Variants in RAB12 observed in about 807,000 individuals in gnomAD.
RAB12 encodes the protein ras-related protein Rab-12.
RAB12 carries 11 observed loss-of-function variants against 28.4 expected under a neutral mutation model. The observed-to-expected ratio is 0.39, with a 90% CI of 0.24 to 0.64. RAB12 has a LOEUF of 0.64. Ranked by LOEUF, RAB12 falls within the 30% of genes least tolerant of loss-of-function variation. The pLI is 0.50. For missense variants in RAB12, 276 were observed against 351.1 expected (o/e 0.79, Z 1.71); for synonymous variants, 138 against 145.3 (o/e 0.95, Z 0.36).
At chr18:8,630,263 T>C (rs1459507072) in intron 2 of RAB12, among the ~76,000 whole-genome samples, 1 of 152,198 alleles carries the variant, frequency 6.6e-6, no homozygotes, top group Non-Finnish European at 1.5e-5. Flanking sequence ...ACTGGTTTGA[T>C]CTGGACAGGT....
At chr18:8,611,619 C>T (rs1567891592) in intron 1 of RAB12, among the ~76,000 whole-genome samples, 1 of 152,138 alleles carries the variant, frequency 6.6e-6, no homozygotes, top group East Asian at 1.9e-4. Context: ...GGACCCGATC[C>T]TATGGGCACC....
chr18:8,627,383 G>A (rs1284242907), intron 2 of RAB12, among the ~76,000 whole-genome samples: 3 of 152,236 alleles, frequency 2.0e-5, no homozygotes, highest in African/African-American at 7.2e-5. Context: ...GATCTTGTTG[G>A]AAGAAGTGCA....
At chr18:8,626,262 T>C (rs1347287737) in intron 2 of RAB12, among the ~76,000 whole-genome samples, 2 of 152,254 alleles carry the variant, frequency 1.3e-5, no homozygotes, top group African/African-American at 2.4e-5. Context: ...CACAAGCTGC[T>C]GTTTCTAATT....
intron 5 of RAB12, among the ~76,000 whole-genome samples, chr18:8,636,901 TAAG>T (rs963796974): frequency 3.3e-5 from 5 of 152,196 alleles, no homozygotes; most frequent in Non-Finnish European, 5.9e-5. Flanking sequence ...AAATTGTTAA[TAAG>T]AACTGAAGTT....
At chr18:8,628,092 C>G (rs562142452) in intron 2 of RAB12, among the ~76,000 whole-genome samples, 26 of 152,078 alleles carry the variant, frequency 1.7e-4, no homozygotes, top group Non-Finnish European at 2.8e-4. Context: ...TCATAACTTG[C>G]AAACCTCTAG....
intron 1 of RAB12, among the ~76,000 whole-genome samples, chr18:8,618,610 C>T (rs981960838): frequency 2.6e-5 from 4 of 151,882 alleles, no homozygotes; most frequent in African/African-American, 9.7e-5. Context: ...CCCGGGTTCA[C>T]GCCGTTCTCC....
Position 8,609,755 on chromosome 18 carries a change from CG to C in RAB12, c.319del (p.Ala107ProfsTer48). 8.1e-7 allele frequency: 1 copy of C among 1,241,662 alleles called. No homozygotes were observed. Among genetic ancestry groups the C allele is most frequent in the Non-Finnish European group, 1.0e-6 (1 of 992,134 alleles). The allele number at this position is 1,241,662 out of a possible 1,614,324, so 76.9% of individuals were successfully genotyped here. A position where few individuals can be genotyped will look rare whatever the true frequency, so the allele number is the denominator to read the frequency against. On this transcript the variant is annotated frameshift_variant, in exon 1 of 6. Coordinates refer to ENST00000649141, the MANE Select transcript of RAB12 (RefSeq NM_001025300.3). LOFTEE classifies it high-confidence loss of function. ...GGATCCGGGCGCCGCGCTGCAGAGG[CG>C]GGCCGGGGGCGGCGGCGGTCTGGGC... ...CMDPGAALQR[R>X]AGGGGGLGAG... is the part of the protein sequence containing the mutation.
chr18:8,635,662 T>A, intron 4 of RAB12, 40 bp downstream of exon 4: 1 of 1,318,350 alleles, frequency 7.6e-7, no homozygotes, highest in Non-Finnish European at 1.1e-6. Context: ...CACACTGTGC[T>A]TAGCGCTTGA....
At position 8,622,986 on chromosome 18, in the gene RAB12, T is replaced by C. The variant is rs994154281; in HGVS notation, c.515-1952T>C. 3.4e-4 allele frequency among the ~76,000 whole-genome samples: 52 copies of C among 152,356 alleles called. No homozygotes were observed. In the Middle Eastern group the frequency reaches 0.017, roughly 50 times the overall value. ...TGTCAGAGTTTAAGGTGATCTCTCTTGTTCCCTGAACATTGCTGTTATCCT... is the reference window on the plus strand; with the variant it reads ...TGTCAGAGTTTAAGGTGATCTCTCTCGTTCCCTGAACATTGCTGTTATCCT... On this transcript the variant is annotated intron_variant, in intron 1 of 5. Transcript: ENST00000649141.
intron 2 of RAB12, 22 bp downstream of exon 2, chr18:8,625,020 C>CA: frequency 6.8e-7 from 1 of 1,470,490 alleles, no homozygotes. Flanking sequence ...AGTGTGCACC[C>CA]AGTAATGTGC....
At chr18:8,619,885 C>T (rs2096008784) in intron 1 of RAB12, among the ~76,000 whole-genome samples, 1 of 152,110 alleles carries the variant, frequency 6.6e-6, no homozygotes, top group Admixed American at 6.5e-5. Context: ...TTGCTCATGC[C>T]TATAAACCCA....
intron 4 of RAB12, chr18:8,635,832 T>C: frequency 2.0e-6 from 1 of 497,894 alleles, no homozygotes; most frequent in Non-Finnish European, 3.5e-6. Context: ...CACATCAGTG[T>C]ATACAACATT....
chr18:8,635,506 A>T (rs2096018377), intron 3 of RAB12, 27 bp from the exon 4 acceptor site: 2 of 1,551,838 alleles, frequency 1.3e-6, no homozygotes, highest in African/African-American at 1.4e-5. Context: ...CCATCTTTGA[A>T]ATGTGGCTTC....
At chr18:8,629,008 C>T (rs550023309) in intron 2 of RAB12, among the ~76,000 whole-genome samples, 41 of 152,146 alleles carry the variant, frequency 2.7e-4, no homozygotes, top group African/African-American at 9.4e-4. Flanking sequence ...TGTGGTTCAG[C>T]GATATTGTGT....
intron 2 of RAB12, among the ~76,000 whole-genome samples, chr18:8,627,293 TG>T (rs2096013282): frequency 6.6e-6 from 1 of 152,248 alleles, no homozygotes; most frequent in Admixed American, 6.5e-5. Context: ...CGCAGTGGAT[TG>T]TGCTATGCTA....
At chr18:8,633,633 C>T (rs888934652) in intron 3 of RAB12, among the ~76,000 whole-genome samples, 4 of 152,184 alleles carry the variant, frequency 2.6e-5, no homozygotes, top group African/African-American at 9.7e-5. Flanking sequence ...CATTTCATTT[C>T]TGCGGAAAGG....
Position 8,609,662 on chromosome 18 carries a change from C to A in RAB12, c.223C>A (p.Pro75Thr). 2 of 856,560 alleles carry A rather than the reference C, an allele frequency of 2.3e-6. No homozygotes were observed. The highest frequency in any genetic ancestry group is 2.8e-6 in the Non-Finnish European group (2 of 715,508). The allele number at this position is 856,560 out of a possible 1,614,324, so 53.1% of individuals were successfully genotyped here. A position where few individuals can be genotyped will look rare whatever the true frequency, so the allele number is the denominator to read the frequency against. The change falls in exon 1 of 6, where the codon CCC (proline) becomes ACC (threonine). Residue 75 changes from proline (P) to threonine (T), a missense_variant. Physicochemically the swap from Pro to Thr is conservative, Grantham distance 38. Transcript: ENST00000649141. ...RAAEAEGAPG[P>T]GARSRGAGGG... ...GGCGGAGGCCGAGGGGGCGCCGGGG[C>A]CCGGGGCGCGCAGCCGGGGGGCGGG...
At chr18:8,635,644 G>T (rs138360065) in intron 4 of RAB12, 22 bp downstream of exon 4, 43 of 1,524,784 alleles carry the variant, frequency 2.8e-5, no homozygotes, top group Non-Finnish European at 3.7e-5. Flanking sequence ...TGGGAGGCAC[G>T]GTTGCCACAC....
At chr18:8,620,094 T>TA (rs2096008901) in intron 1 of RAB12, among the ~76,000 whole-genome samples, 1 of 144,588 alleles carries the variant, frequency 6.9e-6, no homozygotes, top group Non-Finnish European at 1.5e-5. Flanking sequence ...ATCCTGCCAC[T>TA]GCACTCCAGC....
Sources: gnomAD v4.1 joint callset for allele counts (sites outside exome capture counted in the v4.1 genomes callset) on GRCh38, gnomAD v4.1.1 for gene constraint, MANE v1.5 for transcripts, NCBI Gene and HGNC (gene_info 2026-07-23, HGNC 2026-07-21) for gene names.